GRIN2D: variants seen among roughly 807,000 people sequenced by gnomAD.
GRIN2D encodes the protein glutamate receptor ionotropic, NMDA 2D.
GRIN2D carries 37 observed loss-of-function variants against 103.2 expected under a neutral mutation model. The ratio of observed to expected loss-of-function variants is 0.36; its 90% confidence interval spans 0.28 to 0.47. GRIN2D has a LOEUF of 0.47. Among genes scored for constraint, GRIN2D ranks in the 20% least tolerant of loss-of-function variants. The pLI is 1.00. For synonymous variants in GRIN2D, 845 were observed against 885.6 expected (o/e 0.95, Z 0.81); for missense variants, 1,557 against 1,910.6 (o/e 0.81, Z 3.45).
At position 48,398,754 on chromosome 19, in the gene GRIN2D, C is replaced by G; in HGVS notation, c.362C>G (p.Ser121Trp). 6.8e-7 allele frequency: 1 copy of G among 1,463,956 alleles called. No individual in the cohort carries two copies. The highest frequency in any genetic ancestry group is 9.0e-7 in the Non-Finnish European group (1 of 1,113,686). 90.7% of individuals were successfully genotyped at this position (1,463,956 alleles called of 1,614,324 possible). A position where few individuals can be genotyped will look rare whatever the true frequency, so the allele number is the denominator to read the frequency against. ...RVHGVVFEDD[S>W]RAPAVAPILD... The stretch of plus-strand genomic sequence containing the variant: ...CACGGCGTGGTCTTCGAAGACGACT[C>G]GCGCGCGCCCGCCGTCGCGCCCATC... Residue 121 changes from serine (S) to tryptophan (W), a missense_variant, in exon 3 of 14, where the codon TCG (serine) becomes TGG (tryptophan). Transcript: ENST00000263269.
chr19:48,398,925 G>A, intron 3 of GRIN2D, 68 bp downstream of exon 3: 2 of 662,510 alleles, frequency 3.0e-6, no homozygotes, highest in African/African-American at 2.0e-5. Context: ...GCGGGACTGG[G>A]ACAGCCAGCG....
At chr19:48,441,362 C>CA (rs1173219939) in intron 11 of GRIN2D, among the ~76,000 whole-genome samples, 2,295 of 127,222 alleles carry the variant, frequency 0.018, 88 homozygotes, top group African/African-American at 0.068. Flanking sequence ...GACTCTGTCT[C>CA]AAAAAAAAAA....
Position 48,443,742 on chromosome 19 carries a change from C to G in GRIN2D, c.3816C>G (p.Leu1272=), listed in dbSNP as rs1351599087. ...LPPPAPTSRS[L]EDLSSCPRAA... Reference sequence around the variant, plus strand: ...CGCCCGCGCCCACCTCGCGCTCGCTCGAGGACCTCAGCTCGTGCCCTCGCG... The same window carrying G: ...CGCCCGCGCCCACCTCGCGCTCGCTGGAGGACCTCAGCTCGTGCCCTCGCG... The change falls in exon 14 of 14, where the codon CTC becomes CTG. Residue 1272 remains leucine (L), a synonymous_variant. Coordinates refer to ENST00000263269, the MANE Select transcript of GRIN2D (RefSeq NM_000836.4). The surrounding 1 kb of genome is among the most constrained non-coding windows in gnomAD (Gnocchi z 8.9). The G allele has an allele frequency of 2.8e-6, 4 of 1,405,074 alleles. No individual in the cohort carries two copies. Among genetic ancestry groups the G allele is most frequent in the Non-Finnish European group, 2.8e-6 (3 of 1,083,144 alleles). The allele number at this position is 1,405,074 out of a possible 1,614,324, so 87.0% of individuals were successfully genotyped here.
At position 48,394,174 on chromosome 19, in the gene GRIN2D, C is replaced by T. The variant is rs1970601620; in HGVS notation, c.-306+306C>T. On this transcript the variant is annotated intron_variant, in intron 1 of 13. Coordinates refer to ENST00000263269, the MANE Select transcript of GRIN2D (RefSeq NM_000836.4). This position sits in a 1 kb window ranked among gnomAD's most constrained non-coding sequence, Gnocchi z 5.1. ...GTGGCAGCCTGGCCCCCATTAGACC[C>T]CCCACTCTGTGTGTGTGTGTCTGTG... Among the ~76,000 whole-genome samples the T allele has an allele frequency of 6.6e-6, 1 of 152,036 alleles. No homozygotes were observed. Among genetic ancestry groups the T allele is most frequent in the Admixed American group, 6.5e-5 (1 of 15,272 alleles).
Position 48,443,437 on chromosome 19 carries a change from C to T in GRIN2D, c.3511C>T (p.Pro1171Ser). 7.2e-7 allele frequency: 1 copy of T among 1,389,368 alleles called. No individual in the cohort carries two copies. The highest frequency in any genetic ancestry group is 9.3e-7 in the Non-Finnish European group (1 of 1,076,808). 86.1% of individuals were successfully genotyped at this position (1,389,368 alleles called of 1,614,324 possible). A position where few individuals can be genotyped will look rare whatever the true frequency, so the allele number is the denominator to read the frequency against. ...WRAGSWDYLPPRSGPAAWHCR... is the reference protein window; with the variant it reads ...WRAGSWDYLPSRSGPAAWHCR... ...CGCCGGGAGCTGGGACTACCTGCCC[C>T]CGCGCAGCGGTCCGGCCGCCTGGCA... The change falls in exon 14 of 14, where the codon CCG becomes TCG. Residue 1171 changes from proline (P) to serine (S), a missense_variant. Pro to Ser is a moderately conservative substitution (Grantham distance 74). This residue lies in a region of GRIN2D where 632 missense variants were observed against 572.8 expected (regional missense o/e 1.10). Coordinates refer to ENST00000263269, the MANE Select transcript of GRIN2D (RefSeq NM_000836.4). The surrounding 1 kb of genome is among the most constrained non-coding windows in gnomAD (Gnocchi z 8.9).
chr19:48,432,638 T>C (rs1224281752), intron 11 of GRIN2D, among the ~76,000 whole-genome samples: 1 of 151,036 alleles, frequency 6.6e-6, no homozygotes, highest in African/African-American at 2.4e-5. Context: ...GCCACTTTCG[T>C]GTAGAGACGG....
intron 11 of GRIN2D, among the ~76,000 whole-genome samples, chr19:48,431,528 C>A (rs1034150756): frequency 6.0e-5 from 9 of 150,792 alleles, no homozygotes; most frequent in Non-Finnish European, 1.3e-4. Flanking sequence ...CCTGTTGTTT[C>A]TTTTCCTTGT....
chr19:48,426,220 CTTTCTTTT>C (rs1403389070), intron 11 of GRIN2D, among the ~76,000 whole-genome samples: 2 of 127,108 alleles, frequency 1.6e-5, no homozygotes, highest in African/African-American at 7.0e-5. Flanking sequence ...TTCTTTCTTT[CTTTCTTTT>C]TTTTTTTTTT....
Position 48,398,833 on chromosome 19 carries a change from C to A in GRIN2D, c.441C>A (p.Gly147=). ...TGCCCATCGTGGCCGTGCACGGCGG[C>A]GCCGCGCTCGTGCTCACGCCCAAGG... ...TSLPIVAVHG[G]AALVLTPKEK... Residue 147 remains glycine (G), a synonymous_variant, in exon 3 of 14, where the codon GGC becomes GGA. Transcript: ENST00000263269. 1 of 1,397,960 alleles carries A rather than the reference C, an allele frequency of 7.2e-7. No individual in the cohort carries two copies. The allele number at this position is 1,397,960 out of a possible 1,614,324, so 86.6% of individuals were successfully genotyped here.
chr19:48,418,245 C>G (rs991097835), intron 8 of GRIN2D, among the ~76,000 whole-genome samples: 6 of 151,912 alleles, frequency 3.9e-5, no homozygotes, highest in Admixed American at 3.3e-4. Context: ...GTTGGCCAGG[C>G]TGGTCTTGAA....
In GRIN2D at chr19:48,412,661, C is replaced by T. The variant is rs184628466; in HGVS notation, c.1086-1330C>T. ...AAAATTAGCCGGGCATGGTCGTGGG[C>T]GCCTGTAATCCCAGCTACTCGGGAG... On this transcript the variant is annotated intron_variant, in intron 4 of 13. Transcript: ENST00000263269. Among the ~76,000 whole-genome samples, 206 of 150,702 alleles carry T rather than the reference C, an allele frequency of 1.4e-3. 1 individual carries two copies. Among genetic ancestry groups the T allele is most frequent in the African/African-American group, 4.7e-3 (191 of 41,022 alleles).
chr19:48,444,569 T>A lies in GRIN2D; in HGVS notation c.*632T>A, dbSNP rs371600624. On this transcript the variant is annotated 3_prime_UTR_variant, in exon 14 of 14. Transcript: ENST00000263269. The surrounding 1 kb of genome is among the most constrained non-coding windows in gnomAD (Gnocchi z 5.5). ...CAAACCGTGACACCCCCTCCTCCTC[T>A]TCCACCCTCGGTCGCTTTTCCCTAC... The A allele has an allele frequency of 6.6e-6, 1 of 152,500 alleles. No homozygotes were observed. Among genetic ancestry groups the A allele is most frequent in the African/African-American group, 2.4e-5 (1 of 41,320 alleles). 9.4% of individuals were successfully genotyped at this position (152,500 alleles called of 1,614,324 possible). A position where few individuals can be genotyped will look rare whatever the true frequency, so the allele number is the denominator to read the frequency against.
At chr19:48,402,765 CGAGAGAGAGAGA>C (rs35263933) in intron 3 of GRIN2D, among the ~76,000 whole-genome samples, 5,963 of 108,922 alleles carry the variant, frequency 0.055, 170 homozygotes, top group Middle Eastern at 0.11. Flanking sequence ...TACTCCTTTA[CGAGAGAGAGAGA>C]GAGAGAGAGA....
At chr19:48,434,229 C>T (rs889483255) in intron 11 of GRIN2D, among the ~76,000 whole-genome samples, 4 of 151,500 alleles carry the variant, frequency 2.6e-5, no homozygotes, top group Non-Finnish European at 4.4e-5. Context: ...GCATTACAGG[C>T]ACAAGCCACC....
At position 48,414,131 on chromosome 19, in the gene GRIN2D, C is replaced by A; in HGVS notation, c.1200+26C>A. 1.5e-6 allele frequency: 2 copies of A among 1,364,944 alleles called. No individual in the cohort carries two copies. Among genetic ancestry groups the A allele is most frequent in the Non-Finnish European group, 2.1e-6 (2 of 954,030 alleles). The allele number at this position is 1,364,944 out of a possible 1,614,324, so 84.6% of individuals were successfully genotyped here. A position where few individuals can be genotyped will look rare whatever the true frequency, so the allele number is the denominator to read the frequency against. ...GTGAGTCGTAGCCCCAGACCTCAGGCATGGCAGAGGGTGTGGACTCCTGCA... is the reference window on the plus strand; with the variant it reads ...GTGAGTCGTAGCCCCAGACCTCAGGAATGGCAGAGGGTGTGGACTCCTGCA... On this transcript the variant is annotated intron_variant, in intron 5 of 13. Transcript: ENST00000263269. This position sits in a 1 kb window ranked among gnomAD's most constrained non-coding sequence, Gnocchi z 4.6.
intron 8 of GRIN2D, 74 bp downstream of exon 8, chr19:48,416,229 C>T (rs1484068546): frequency 7.9e-6 from 11 of 1,393,736 alleles, no homozygotes; most frequent in Non-Finnish European, 8.9e-6. Context: ...GCCCTGGGAT[C>T]AGAAAACCTG....
In GRIN2D at chr19:48,398,501, G is replaced by T; in HGVS notation, c.109G>T (p.Gly37Trp). 1 of 1,011,694 alleles carries T rather than the reference G, an allele frequency of 9.9e-7. No individual in the cohort carries two copies. The highest frequency in any genetic ancestry group is 4.5e-5 in the South Asian group (1 of 22,322). 62.7% of individuals were successfully genotyped at this position (1,011,694 alleles called of 1,614,324 possible). A position where few individuals can be genotyped will look rare whatever the true frequency, so the allele number is the denominator to read the frequency against. ...PFPEEAPGPG[G>W]AGGPGGGLGG... Reference sequence around the variant, plus strand: ...CCCGGAGGAGGCGCCGGGGCCGGGCGGGGCCGGTGGGCCCGGCGGCGGCCT... The same window carrying T: ...CCCGGAGGAGGCGCCGGGGCCGGGCTGGGCCGGTGGGCCCGGCGGCGGCCT... The change falls in exon 3 of 14, where the codon GGG (glycine) becomes TGG (tryptophan). Residue 37 changes from glycine (G) to tryptophan (W), a missense_variant. This residue lies in a region of GRIN2D where 490 missense variants were observed against 601.1 expected (regional missense o/e 0.82). Coordinates refer to ENST00000263269, the MANE Select transcript of GRIN2D (RefSeq NM_000836.4).
At position 48,423,794 on chromosome 19, in the gene GRIN2D, G is replaced by A. The variant is rs112409023; in HGVS notation, c.2252+1849G>A. Among the ~76,000 whole-genome samples the A allele has an allele frequency of 6.5e-3, 990 of 152,104 alleles. 15 individuals carry two copies. Among genetic ancestry groups the A allele is most frequent in the African/African-American group, 0.022 (894 of 41,522 alleles). On this transcript the variant is annotated intron_variant, in intron 11 of 13. Coordinates refer to ENST00000263269, the MANE Select transcript of GRIN2D (RefSeq NM_000836.4). ...AAGCCTTGAGGTGTGGAGATTTTAC[G>A]TAAGGAAGGGTATGATCTGATTTCT...
Position 48,398,829 on chromosome 19 carries a change from G to T in GRIN2D, c.437G>T (p.Gly146Val). Reference sequence around the variant, plus strand: ...TCGCTGCCCATCGTGGCCGTGCACGGCGGCGCCGCGCTCGTGCTCACGCCC... The same window carrying T: ...TCGCTGCCCATCGTGGCCGTGCACGTCGGCGCCGCGCTCGTGCTCACGCCC... ...QTSLPIVAVH[G>V]GAALVLTPKE... is the part of the protein sequence containing the mutation. The change falls in exon 3 of 14, where the codon GGC (glycine) becomes GTC (valine). Residue 146 changes from glycine (G) to valine (V), a missense_variant. Physicochemically the swap from Gly to Val is moderately radical, Grantham distance 109 (BLOSUM62 -3). Transcript: ENST00000263269. 1 of 1,404,818 alleles carries T rather than the reference G, an allele frequency of 7.1e-7. No individual in the cohort carries two copies. Among genetic ancestry groups the T allele is most frequent in the South Asian group, 1.5e-5 (1 of 68,376 alleles). The allele number at this position is 1,404,818 out of a possible 1,614,324, so 87.0% of individuals were successfully genotyped here. A position where few individuals can be genotyped will look rare whatever the true frequency, so the allele number is the denominator to read the frequency against.
Sources: gnomAD v4.1 joint callset for allele counts (sites outside exome capture counted in the v4.1 genomes callset) on GRCh38, gnomAD v4.1.1 for gene constraint, gnomAD v4.1.1 regional missense constraint, Gnocchi (gnomAD v3.1) non-coding constraint, MANE v1.5 for transcripts, NCBI Gene and HGNC (gene_info 2026-07-23, HGNC 2026-07-21) for gene names.